The following CES3 variants were observed in gnomAD, a reference collection of about 807,000 sequenced individuals.
CES3 encodes the protein carboxylesterase 3 (brain).
A neutral mutation model predicts 57.6 loss-of-function variants in CES3; 49 were observed. The observed-to-expected ratio is 0.85, with a 90% confidence interval of 0.68 to 1.08. The LOEUF (loss-of-function observed/expected upper bound fraction) is 1.08. Among genes scored for constraint, CES3 ranks in the 50% least tolerant of loss-of-function variants. The pLI is 0.00. For missense variants in CES3, 645 were observed against 742.0 expected (o/e 0.87, Z 1.52); for synonymous variants, 266 against 281.6 (o/e 0.94, Z 0.55).
Position 66,971,286 on chromosome 16 carries a change from G to A in CES3, c.1258G>A (p.Val420Ile), listed in dbSNP as rs1036747085. ...QEFMGDVFINVPTVSFSRYLR... is the reference protein window; with the variant it reads ...QEFMGDVFINIPTVSFSRYLR... ...ATTCATGGGTGACGTATTCATCAAT[G>A]TTCCCACCGTCAGTTTTTCAAGATA... The change falls in exon 10 of 13, where the codon GTT (valine) becomes ATT (isoleucine). Residue 420 changes from valine to isoleucine, a missense_variant. Coordinates refer to ENST00000303334, the MANE Select transcript of CES3 (RefSeq NM_024922.6). 7 of 1,613,934 alleles carry A rather than the reference G, an allele frequency of 4.3e-6. No individual in the cohort carries two copies. Among genetic ancestry groups the A allele is most frequent in the Non-Finnish European group, 5.9e-6 (7 of 1,179,984 alleles).
intron 8 of CES3, chr16:66,967,860 C>A: frequency 1.5e-6 from 1 of 670,532 alleles, no homozygotes; most frequent in Non-Finnish European, 1.8e-6. Flanking sequence ...CTCTCAGGCC[C>A]GAGCAATCCT....
chr16:66,964,499 A>G lies in CES3; in HGVS notation c.703A>G (p.Ile235Val). Residue 235 changes from isoleucine (I) to valine (V), a missense_variant, in exon 5 of 13, where the codon ATC (isoleucine) becomes GTC (valine). Coordinates refer to ENST00000303334, the MANE Select transcript of CES3 (RefSeq NM_024922.6). Reference protein sequence around the residue: ...VFGGSAGGSIISGLVLSPVAA... With the variant: ...VFGGSAGGSIVSGLVLSPVAA... ...TGGTGGATCTGCCGGTGGGAGCATC[A>G]TCTCTGGCCTGGTAAGTCACTATAG... 1.9e-6 allele frequency: 3 copies of G among 1,614,004 alleles called. No individual in the cohort carries two copies. The highest frequency in any genetic ancestry group is 2.5e-6 in the Non-Finnish European group (3 of 1,179,966).
Position 66,966,778 on chromosome 16 carries a change from C to T in CES3, c.975C>T (p.Pro325=). 1 of 1,614,158 alleles carries T rather than the reference C, an allele frequency of 6.2e-7. No individual in the cohort carries two copies. Residue 325 remains proline (P), a synonymous_variant, in exon 8 of 13, where the codon CCC becomes CCT. Coordinates refer to ENST00000303334, the MANE Select transcript of CES3 (RefSeq NM_024922.6). The part of the protein sequence containing the change: ...TVDGTVFPKS[P]KELLKEKPFH... ...ATGGCACTGTCTTCCCCAAAAGCCC[C>T]AAGGAACTCCTGAAGGAGAAGCCCT...
rs529012016 is a variant in CES3 at position 66,971,160 on chromosome 16, C to T, written c.1144-12C>T. On this transcript the variant is annotated splice_polypyrimidine_tract_variant and intron_variant, in intron 9 of 12. Transcript: ENST00000303334. Reference sequence around the variant, plus strand: ...CACCCTGAGCAGGGCTGAGCCTGGCCTCTTGCCCCAGGATGTGCCCCCTGA... The same window carrying T: ...CACCCTGAGCAGGGCTGAGCCTGGCTTCTTGCCCCAGGATGTGCCCCCTGA... 1 of 1,609,866 alleles carries T rather than the reference C, an allele frequency of 6.2e-7. No homozygotes were observed. The highest frequency in any genetic ancestry group is 2.2e-5 in the East Asian group (1 of 44,786).
Position 66,969,725 on chromosome 16 carries a change from T to G in CES3, c.1109T>G (p.Met370Arg), listed in dbSNP as rs956429770. 6.2e-7 allele frequency: 1 copy of G among 1,613,310 alleles called. No homozygotes were observed. The highest frequency in any genetic ancestry group is 1.7e-5 in the Admixed American group (1 of 59,950). ...DTMEQMSREDMLAISTPVLTS... is the reference protein window; with the variant it reads ...DTMEQMSREDRLAISTPVLTS... ...ATGGAGCAGATGAGCCGGGAGGACATGCTGGCCATCTCAACACCCGTCTTG... is the reference window on the plus strand; with the variant it reads ...ATGGAGCAGATGAGCCGGGAGGACAGGCTGGCCATCTCAACACCCGTCTTG... Residue 370 changes from methionine to arginine, a missense_variant, in exon 9 of 13, where the codon ATG (methionine) becomes AGG (arginine). By Grantham distance (91) the Met-to-Arg change is moderately conservative. Transcript: ENST00000303334.
At chr16:66,961,505 C>G in intron 1 of CES3, 116 bp downstream of exon 1, 1 of 770,698 alleles carries the variant, frequency 1.3e-6, no homozygotes, top group Non-Finnish European at 2.2e-6. Context: ...GGAGGCAGAC[C>G]AGGGGTTGTG....
intron 8 of CES3, among the ~76,000 whole-genome samples, chr16:66,969,221 C>T (rs1963788464): frequency 6.6e-6 from 1 of 152,246 alleles, no homozygotes; most frequent in African/African-American, 2.4e-5. Flanking sequence ...GCCTGGCCAA[C>T]ATGGCATAAC....
intron 9 of CES3, among the ~76,000 whole-genome samples, chr16:66,970,045 G>A (rs745957440): frequency 1.3e-4 from 19 of 151,990 alleles, no homozygotes; most frequent in South Asian, 2.1e-4. Flanking sequence ...ACTGAGCGCC[G>A]GGAGAGGGTT....
At position 66,964,356 on chromosome 16, in the gene CES3, G is replaced by A; in HGVS notation, c.561-1G>A. ...AACCGTTGCCCCAACACTGCCCCCA[G>A]CACTGGAGATGAGCATGCACCTGGC... On this transcript the variant is annotated splice_acceptor_variant, in intron 4 of 12. Transcript: ENST00000303334. LOFTEE classifies it high-confidence loss of function. The A allele has an allele frequency of 6.2e-7, 1 of 1,613,560 alleles. No individual in the cohort carries two copies. Among genetic ancestry groups the A allele is most frequent in the Non-Finnish European group, 8.5e-7 (1 of 1,179,920 alleles).
intron 8 of CES3, among the ~76,000 whole-genome samples, chr16:66,969,268 C>T (rs570511385): frequency 2.0e-5 from 3 of 152,010 alleles, no homozygotes; most frequent in East Asian, 3.9e-4. Flanking sequence ...TAGCCAGGCA[C>T]GGTGGTGCAC....
chr16:66,964,212 G>A lies in CES3; in HGVS notation c.561-145G>A, dbSNP rs553550152. 3.5e-6 allele frequency: 4 copies of A among 1,152,810 alleles called. No individual in the cohort carries two copies. The South Asian group carries it at 4.6e-5, about 13-fold the overall frequency. 71.4% of individuals were successfully genotyped at this position (1,152,810 alleles called of 1,614,324 possible). ...GATATGGGACAAAGAGCAACAGGCT[G>A]TGGAGATGCCAACCACGGCTCCCAG... On this transcript the variant is annotated intron_variant, in intron 4 of 12. Transcript: ENST00000303334.
intron 10 of CES3, 136 bp downstream of exon 10, chr16:66,971,455 C>T: frequency 1.2e-6 from 1 of 819,538 alleles, no homozygotes. Context: ...CCCCACCAAA[C>T]CTATCTTTCT....
intron 8 of CES3, among the ~76,000 whole-genome samples, chr16:66,967,231 T>C (rs993388360): frequency 2.2e-4 from 34 of 152,136 alleles, no homozygotes; most frequent in African/African-American, 7.7e-4. Flanking sequence ...TACAGGCACA[T>C]GCCACCACAC....
rs528879392 is a variant in CES3 at position 66,972,287 on chromosome 16, A to G, written c.1292-69A>G. ...CATGGAAATTGGTGTTATTATGAGCATGTGCTGCCAAAGGCAGCATCGAAT... is the reference window on the plus strand; with the variant it reads ...CATGGAAATTGGTGTTATTATGAGCGTGTGCTGCCAAAGGCAGCATCGAAT... On this transcript the variant is annotated intron_variant, in intron 10 of 12. Transcript: ENST00000303334. The G allele has an allele frequency of 3.3e-4, 468 of 1,412,736 alleles. 5 individuals carry two copies. The South Asian group carries it at 5.5e-3, about 17-fold the overall frequency. 87.5% of individuals were successfully genotyped at this position (1,412,736 alleles called of 1,614,324 possible). A position where few individuals can be genotyped will look rare whatever the true frequency, so the allele number is the denominator to read the frequency against.
chr16:66,964,572 C>T (rs1003190627), intron 5 of CES3, 51 bp from the exon 6 acceptor site: 2 of 1,611,460 alleles, frequency 1.2e-6, no homozygotes, highest in African/African-American at 1.3e-5. Context: ...TCAGAACTCC[C>T]AGCTCCTCTG....
rs1018835889 is a variant in CES3, at chr16:66,966,876, C to T, written c.1062+11C>T. On this transcript the variant is annotated intron_variant, in intron 8 of 12. Transcript: ENST00000303334. ...TGGCTCATCCCCAGGGTGAGTTGCT[C>T]CCACCCCTGTGCCCTTCAAGGCCCT... The T allele has an allele frequency of 1.2e-6, 2 of 1,613,652 alleles. No individual in the cohort carries two copies. Among genetic ancestry groups the T allele is most frequent in the African/African-American group, 1.3e-5 (1 of 74,868 alleles).
At chr16:66,962,468 C>G (rs1963664324) in intron 1 of CES3, among the ~76,000 whole-genome samples, 1 of 152,212 alleles carries the variant, frequency 6.6e-6, no homozygotes. Flanking sequence ...GTACAAGAAA[C>G]ATGGTGCCAG....
intron 1 of CES3, among the ~76,000 whole-genome samples, chr16:66,961,815 C>T (rs1285392113): frequency 5.9e-5 from 9 of 152,252 alleles, no homozygotes; most frequent in Admixed American, 2.0e-4. Flanking sequence ...CCACCTGCCT[C>T]GGCCTCCCAA....
chr16:66,963,252 C>T lies in CES3; in HGVS notation c.156C>T (p.Gly52=), dbSNP rs1963675860. The change falls in exon 2 of 13, where the codon GGC becomes GGT. Residue 52 remains glycine (G), a synonymous_variant. Coordinates refer to ENST00000303334, the MANE Select transcript of CES3 (RefSeq NM_024922.6). This position sits in a 1 kb window ranked among gnomAD's most constrained non-coding sequence, Gnocchi z 4.9. The part of the protein sequence containing the change: ...RVRGRQVGVK[G]TDRLVNVFLG... ...GAGGCCGGCAGGTGGGCGTGAAGGG[C>T]ACAGACCGCCTTGTGAATGTCTTTC... is the stretch of plus-strand genomic sequence containing the variant. 1 of 1,614,126 alleles carries T rather than the reference C, an allele frequency of 6.2e-7. No individual in the cohort carries two copies. Among genetic ancestry groups the T allele is most frequent in the East Asian group, 2.2e-5 (1 of 44,866 alleles).
Sources: gnomAD v4.1 joint callset for allele counts (sites outside exome capture counted in the v4.1 genomes callset) on GRCh38, gnomAD v4.1.1 for gene constraint, Gnocchi (gnomAD v3.1) non-coding constraint, MANE v1.5 for transcripts, NCBI Gene and HGNC (gene_info 2026-07-23, HGNC 2026-07-21) for gene names.